NKAIN3: variants seen among roughly 807,000 people sequenced by gnomAD.
The protein encoded by NKAIN3 is sodium/potassium-transporting ATPase subunit beta-1-interacting protein 3.
NKAIN3 carries 25 observed loss-of-function variants against 30.2 expected under a neutral mutation model. The ratio of observed to expected loss-of-function variants is 0.83; its 90% confidence interval spans 0.60 to 1.16. The LOEUF (loss-of-function observed/expected upper bound fraction) is 1.16. Among genes scored for constraint, NKAIN3 ranks in the 50% most tolerant of loss-of-function variants. NKAIN3 has a pLI of 0.00. For missense variants in NKAIN3, 225 were observed against 254.1 expected, an observed-to-expected ratio of 0.89 and a Z score of 0.78; for synonymous variants, 91 against 89.6, an observed-to-expected ratio of 1.02 and a Z score of -0.09.
intron 3 of NKAIN3, among the ~76,000 whole-genome samples, chr8:62,707,085 ACG>A (rs1491112324): frequency 2.8e-5 from 4 of 144,206 alleles, no homozygotes; most frequent in South Asian, 2.3e-4. Context: ...ACACACACAC[ACG>A]CACATATATA....
chr8:62,708,585 A>T (rs951942332), intron 3 of NKAIN3, among the ~76,000 whole-genome samples: 3 of 152,092 alleles, frequency 2.0e-5, no homozygotes, highest in African/African-American at 7.2e-5. Context: ...TCCGGAAACT[A>T]TGCTGAATTC....
chr8:62,479,708 C>T lies in NKAIN3; in HGVS notation c.55-99831C>T, dbSNP rs913310592. ...GAGAGGAGAAAAAAGGTATCTATGG[C>T]CTCTGTGATCCTGAGGATCACGGCT... On this transcript the variant is annotated intron_variant, in intron 1 of 6. Coordinates refer to ENST00000623646, the MANE Select transcript of NKAIN3 (RefSeq NM_001304533.3). 3.9e-5 allele frequency among the ~76,000 whole-genome samples: 6 copies of T among 152,240 alleles called. No homozygotes were observed. The East Asian group carries it at 1.2e-3, about 29-fold the overall frequency.
At chr8:62,785,225 A>G (rs1173348577) in intron 4 of NKAIN3, among the ~76,000 whole-genome samples, 4 of 152,176 alleles carry the variant, frequency 2.6e-5, no homozygotes, top group Non-Finnish European at 2.9e-5. Context: ...TTTTCATACA[A>G]TGAAATGTTA....
At chr8:62,678,288 G>T (rs988121723) in intron 3 of NKAIN3, among the ~76,000 whole-genome samples, 2 of 152,036 alleles carry the variant, frequency 1.3e-5, no homozygotes, top group Non-Finnish European at 2.9e-5. Context: ...TCTCTAATAG[G>T]CTGTAAGAAA....
intron 1 of NKAIN3, among the ~76,000 whole-genome samples, chr8:62,315,380 A>G (rs150534462): frequency 2.6e-5 from 4 of 152,210 alleles, no homozygotes; most frequent in Middle Eastern, 3.4e-3. Flanking sequence ...TACCCCTGGG[A>G]TTCGTCAGGA....
At chr8:62,609,555 G>T (rs1181038569) in intron 3 of NKAIN3, among the ~76,000 whole-genome samples, 1 of 152,014 alleles carries the variant, frequency 6.6e-6, no homozygotes, top group Non-Finnish European at 1.5e-5. Flanking sequence ...GGGATAAAAA[G>T]AATTTGCTCT....
At chr8:62,367,326 T>C (rs80088068) in intron 1 of NKAIN3, among the ~76,000 whole-genome samples, 5,116 of 152,226 alleles carry the variant, frequency 0.034, 331 homozygotes, top group African/African-American at 0.12. Context: ...CTCATCAAAA[T>C]ACTAGCAAAC....
intron 3 of NKAIN3, among the ~76,000 whole-genome samples, chr8:62,644,169 C>T (rs1289301960): frequency 6.6e-6 from 1 of 152,118 alleles, no homozygotes; most frequent in Admixed American, 6.6e-5. Context: ...GCTAAACTCT[C>T]ACTCTCTTAG....
chr8:62,694,606 A>C (rs1814094369), intron 3 of NKAIN3, among the ~76,000 whole-genome samples: 1 of 152,076 alleles, frequency 6.6e-6, no homozygotes, highest in Admixed American at 6.6e-5. Context: ...CTCTAGAATG[A>C]GGCTTTTTCT....
chr8:62,494,514 G>T (rs111349911), intron 1 of NKAIN3, among the ~76,000 whole-genome samples: 1 of 151,962 alleles, frequency 6.6e-6, no homozygotes. Context: ...TTTTGGTTTC[G>T]GGATGATGCT....
At chr8:62,884,367 T>C (rs1223055326) in intron 4 of NKAIN3, among the ~76,000 whole-genome samples, 5 of 152,126 alleles carry the variant, frequency 3.3e-5, no homozygotes, top group Non-Finnish European at 7.3e-5. Context: ...CAAGATATTC[T>C]CCTGCCTTAG....
intron 4 of NKAIN3, among the ~76,000 whole-genome samples, chr8:62,865,794 A>G (rs7842329): frequency 0.7 from 106,055 of 152,124 alleles, 37,724 homozygotes; most frequent in African/African-American, 0.8. Context: ...GTATGTAAAC[A>G]CACACTGTAA....
chr8:62,769,226 C>T (rs900672764), intron 4 of NKAIN3, among the ~76,000 whole-genome samples: 16 of 152,094 alleles, frequency 1.1e-4, no homozygotes, highest in African/African-American at 3.6e-4. Context: ...TTAAATAAGA[C>T]AAGTTCAAAA....
intron 4 of NKAIN3, chr8:62,856,901 T>A: frequency 1.0e-5 from 6 of 586,360 alleles, no homozygotes; most frequent in South Asian, 9.7e-5. Context: ...TGGATGCTCA[T>A]GTCAAAGGGA....
chr8:62,721,527 T>C (rs1458612887), intron 3 of NKAIN3, among the ~76,000 whole-genome samples: 1 of 152,232 alleles, frequency 6.6e-6, no homozygotes, highest in Non-Finnish European at 1.5e-5. Flanking sequence ...CAAACTGTGC[T>C]TCTTAAGTCT....
intron 1 of NKAIN3, among the ~76,000 whole-genome samples, chr8:62,405,194 C>T (rs2129595518): frequency 6.6e-6 from 1 of 152,174 alleles, no homozygotes; most frequent in East Asian, 1.9e-4. Flanking sequence ...AGAGCCTCTC[C>T]TGGAGCTGCA....
chr8:62,788,686 T>C (rs577451137), intron 4 of NKAIN3, among the ~76,000 whole-genome samples: 1 of 152,238 alleles, frequency 6.6e-6, no homozygotes, highest in African/African-American at 2.4e-5. Flanking sequence ...TGTAAGTCTT[T>C]AATCCATCTT....
intron 3 of NKAIN3, among the ~76,000 whole-genome samples, chr8:62,640,799 C>A (rs973681029): frequency 6.6e-6 from 1 of 152,074 alleles, no homozygotes; most frequent in African/African-American, 2.4e-5. Flanking sequence ...CAAATATGTC[C>A]TCTACTCATC....
intron 1 of NKAIN3, among the ~76,000 whole-genome samples, chr8:62,377,187 G>C (rs1237562881): frequency 6.6e-6 from 1 of 151,982 alleles, no homozygotes; most frequent in Non-Finnish European, 1.5e-5. Flanking sequence ...AATGTTGATT[G>C]CTCAAAATTA....
Sources: gnomAD v4.1 joint callset for allele counts (sites outside exome capture counted in the v4.1 genomes callset) on GRCh38, gnomAD v4.1.1 for gene constraint, MANE v1.5 for transcripts, NCBI Gene and HGNC (gene_info 2026-07-23, HGNC 2026-07-21) for gene names.